RAB17: variants seen among roughly 807,000 people sequenced by gnomAD.
RAB17 encodes the protein ras-related protein Rab-17.
In RAB17, 15 loss-of-function variants were observed where a neutral mutation model predicts 19.3. That is an observed-to-expected ratio of 0.78 (90% CI 0.52 to 1.20). The LOEUF is 1.20. Ranked by LOEUF, RAB17 falls within the 50% of genes most tolerant of loss-of-function variation. The probability of loss-of-function intolerance (pLI) is 0.00; values close to 1 mark genes in which losing one functional copy is unlikely to be tolerated. For missense variants in RAB17, 262 were observed against 269.3 expected (o/e 0.97, Z 0.19); for synonymous variants, 110 against 112.8 (o/e 0.97, Z 0.16).
chr2:237,579,412 C>T (rs952615509), intron 2 of RAB17: 2 of 152,168 alleles, frequency 1.3e-5, no homozygotes, highest in Non-Finnish European at 2.9e-5. Flanking sequence ...TTGGTTCCTT[C>T]CGGAGACTGA....
intron 4 of RAB17, 133 bp downstream of exon 4, chr2:237,577,122 GGT>G (rs1255296118): frequency 8.1e-5 from 85 of 1,053,374 alleles, no homozygotes; most frequent in Admixed American, 1.4e-4. Context: ...GGCGTGTAGA[GGT>G]GTGTGTGCAC....
chr2:237,578,483 C>T (rs976246039), intron 2 of RAB17: 4 of 209,582 alleles, frequency 1.9e-5, no homozygotes, highest in Non-Finnish European at 3.9e-5. Context: ...CCGATGCATC[C>T]CTGCCAGCTT....
chr2:237,589,555 C>T (rs2081376791), intron 1 of RAB17, among the ~76,000 whole-genome samples: 2 of 152,098 alleles, frequency 1.3e-5, no homozygotes, highest in South Asian at 4.1e-4. Context: ...AATAAGACTG[C>T]AGTAAACATT....
chr2:237,585,797 CA>C (rs1435093821), intron 2 of RAB17, among the ~76,000 whole-genome samples, 200 bp downstream of exon 2: 2 of 152,176 alleles, frequency 1.3e-5, no homozygotes, highest in African/African-American at 4.8e-5. Context: ...GACCCAGAGC[CA>C]AGGGCATTTC....
intron 1 of RAB17, among the ~76,000 whole-genome samples, chr2:237,586,741 T>C (rs1212115180): frequency 2.0e-5 from 3 of 152,124 alleles, no homozygotes; most frequent in Non-Finnish European, 4.4e-5. Context: ...GGGCGACCCC[T>C]GCGTATTTTT....
At chr2:237,589,294 C>T (rs1403177349) in intron 1 of RAB17, among the ~76,000 whole-genome samples, 4 of 152,048 alleles carry the variant, frequency 2.6e-5, no homozygotes, top group African/African-American at 4.8e-5. Flanking sequence ...ACTCCACCCC[C>T]GTAATACAAC....
At position 237,577,411 on chromosome 2, in the gene RAB17, A is replaced by C. The variant is rs549740493; in HGVS notation, c.310-29T>G. On this transcript the variant is annotated intron_variant, in intron 3 of 5. Transcript: ENST00000264601. The stretch of plus-strand genomic sequence containing the variant: ...GAAAAGAAGAAAAAAAGTAACATCA[A>C]ACAAAACTTATAGGTGGTCATTAGC... The C allele has an allele frequency of 3.3e-5, 52 of 1,586,976 alleles. No homozygotes were observed. In the South Asian group the frequency reaches 5.4e-4, roughly 16 times the overall value.
chr2:237,586,249 G>A (rs1285004170), intron 1 of RAB17, 92 bp from the exon 2 acceptor site: 17 of 1,386,704 alleles, frequency 1.2e-5, no homozygotes, highest in Non-Finnish European at 1.6e-5. Context: ...TCGGTCAGGA[G>A]CAGATGGCCC....
Position 237,578,022 on chromosome 2 carries a change from C to A in RAB17, c.291G>T (p.Val97=). The change falls in exon 3 of 6, where the codon GTG becomes GTT. Residue 97 remains valine (V), a synonymous_variant. Transcript: ENST00000264601. ...YFRGANAALL[V]YDITRKDSFL... is the part of the protein sequence containing the mutation. ...GCCCTACCTTCCTGGTGATGTCGTA[C>A]ACCAGAAGCGCAGCGTTGGCACCCC... is the stretch of plus-strand genomic sequence containing the variant. The A allele has an allele frequency of 6.2e-7, 1 of 1,607,918 alleles. No homozygotes were observed. Among genetic ancestry groups the A allele is most frequent in the Non-Finnish European group, 8.5e-7 (1 of 1,174,980 alleles).
At chr2:237,580,783 T>C (rs2081302759) in intron 2 of RAB17, among the ~76,000 whole-genome samples, 1 of 152,112 alleles carries the variant, frequency 6.6e-6, no homozygotes, top group South Asian at 2.1e-4. Context: ...GGGAAAATGA[T>C]GGCTGGTGGT....
Position 237,574,574 on chromosome 2 carries a change from C to T in RAB17, c.*445G>A, listed in dbSNP as rs2081245479. 6.5e-7 allele frequency: 1 copy of T among 1,549,312 alleles called. No homozygotes were observed. The highest frequency in any genetic ancestry group is 8.7e-7 in the Non-Finnish European group (1 of 1,146,494). The stretch of plus-strand genomic sequence containing the variant: ...GTCATCGCTCCATTTCTTCCTGGCA[C>T]CACCACCTCCATCTGGCCTGCTCCC... On this transcript the variant is annotated 3_prime_UTR_variant, in exon 6 of 6. Coordinates refer to ENST00000264601, the MANE Select transcript of RAB17 (RefSeq NM_022449.4).
intron 2 of RAB17, 80 bp downstream of exon 2, chr2:237,585,918 C>A: frequency 7.0e-7 from 1 of 1,435,266 alleles, no homozygotes; most frequent in Non-Finnish European, 9.4e-7. Flanking sequence ...TGGGCCTCGT[C>A]CCCATCTGCC....
intron 1 of RAB17, among the ~76,000 whole-genome samples, chr2:237,589,089 A>T (rs557960402): frequency 1.3e-5 from 2 of 152,220 alleles, no homozygotes; most frequent in South Asian, 4.2e-4. Context: ...GTGTGGTGGC[A>T]CACGCTTGTA....
At chr2:237,577,138 TGTAA>T (rs2081271225) in intron 4 of RAB17, 115 bp downstream of exon 4, 8 of 1,224,434 alleles carry the variant, frequency 6.5e-6, no homozygotes, top group Non-Finnish European at 9.1e-6. Context: ...TGTGCACATG[TGTAA>T]GTGTGTGCGT....
chr2:237,590,202 C>T (rs933379928), intron 1 of RAB17, among the ~76,000 whole-genome samples: 9 of 151,294 alleles, frequency 5.9e-5, no homozygotes, highest in Non-Finnish European at 7.4e-5. Context: ...GGAACTTTCC[C>T]GAAGAAAAAT....
At chr2:237,585,893 ATGGGG>A (rs2081346038) in intron 2 of RAB17, 100 bp downstream of exon 2, 18 of 1,268,632 alleles carry the variant, frequency 1.4e-5, no homozygotes, top group Non-Finnish European at 2.0e-5. Context: ...AGGTCCCAGC[ATGGGG>A]ATTCCTAGGT....
In RAB17 at chr2:237,586,032, C is replaced by G. The variant is rs2081347293; in HGVS notation, c.123G>C (p.Lys41Asn). The G allele has an allele frequency of 5.6e-6, 9 of 1,612,864 alleles. No individual in the cohort carries two copies. Among genetic ancestry groups the G allele is most frequent in the Non-Finnish European group, 6.8e-6 (8 of 1,179,468 alleles). Residue 41 changes from lysine to asparagine, a missense_variant, in exon 2 of 6, where the codon AAG becomes AAC. Coordinates refer to ENST00000264601, the MANE Select transcript of RAB17 (RefSeq NM_022449.4). ...GKSSLALRYV[K>N]NDFKSILPTV... ...TAGGCAGGATACTCTTGAAGTCGTTCTTCACGTACCGAAGAGCCAAGCTGG... is the reference window on the plus strand; with the variant it reads ...TAGGCAGGATACTCTTGAAGTCGTTGTTCACGTACCGAAGAGCCAAGCTGG...
At chr2:237,576,205 G>A (rs938715832) in intron 4 of RAB17, among the ~76,000 whole-genome samples, 1 of 151,984 alleles carries the variant, frequency 6.6e-6, no homozygotes, top group Non-Finnish European at 1.5e-5. Flanking sequence ...ATCCACCATC[G>A]TGAGTGCACT....
intron 1 of RAB17, among the ~76,000 whole-genome samples, chr2:237,589,377 A>C (rs966060124): frequency 2.6e-5 from 4 of 152,236 alleles, no homozygotes; most frequent in Non-Finnish European, 4.4e-5. Flanking sequence ...CCATAGTTTT[A>C]ACATAAAATT....
Sources: allele counts gnomAD v4.1 joint callset (sites outside exome capture counted in the v4.1 genomes callset), GRCh38; gene constraint gnomAD v4.1.1; transcripts MANE v1.5; gene names NCBI Gene and HGNC (gene_info 2026-07-23, HGNC 2026-07-21).